The following RBL2 variants were observed in gnomAD, a reference collection of about 807,000 sequenced individuals.
RBL2 encodes the protein RB transcriptional corepressor like 2.
In RBL2, 56 loss-of-function variants were observed where a neutral mutation model predicts 126.0. That is an observed-to-expected ratio of 0.44 (90% CI 0.36 to 0.56). The LOEUF (loss-of-function observed/expected upper bound fraction) is 0.56, where lower values mean the gene tolerates loss of function less well. Among genes scored for constraint, RBL2 ranks in the 20% least tolerant of loss-of-function variants. The probability of loss-of-function intolerance (pLI) is 0.00; values close to 1 mark genes in which losing one functional copy is unlikely to be tolerated. For synonymous variants in RBL2, 454 were observed against 478.5 expected (o/e 0.95, Z 0.67); for missense variants, 1,229 against 1,398.2 (o/e 0.88, Z 1.93).
intron 4 of RBL2, chr16:53,449,271 A>G (rs1181802870): frequency 1.3e-5 from 2 of 152,164 alleles, no homozygotes; most frequent in African/African-American, 4.8e-5. Flanking sequence ...GTGTACTTAG[A>G]AGTAAATATA....
At chr16:53,464,743 C>G (rs8054299) in intron 12 of RBL2, 47,595 of 156,338 alleles carry the variant, frequency 0.3, 7,681 homozygotes, top group Middle Eastern at 0.39. Flanking sequence ...ATAAAAAGTT[C>G]TCTTTCATGT....
At chr16:53,445,594 G>A (rs1010776393) in intron 3 of RBL2, among the ~76,000 whole-genome samples, 1 of 152,144 alleles carries the variant, frequency 6.6e-6, no homozygotes, top group Non-Finnish European at 1.5e-5. Flanking sequence ...ACAACCAAGC[G>A]TGGAGTTCTT....
chr16:53,486,741 CT>C (rs1171298437), intron 21 of RBL2, among the ~76,000 whole-genome samples: 5 of 152,186 alleles, frequency 3.3e-5, no homozygotes, highest in African/African-American at 1.2e-4. Flanking sequence ...CTCACTACCC[CT>C]GTTCAACATT....
At position 53,490,940 on chromosome 16, in the gene RBL2, T is replaced by C. The variant is rs942390479; in HGVS notation, c.*640T>C. ...TGAACCTGTATAAGTGGAGGCACTT[T>C]AGGGCTGTAAAATGCATGATTTTGT... is the stretch of plus-strand genomic sequence containing the variant. On this transcript the variant is annotated 3_prime_UTR_variant, in exon 22 of 22. Transcript: ENST00000262133. 1.3e-5 allele frequency: 2 copies of C among 152,668 alleles called. No individual in the cohort carries two copies. Among genetic ancestry groups the C allele is most frequent in the African/African-American group, 4.8e-5 (2 of 41,466 alleles). The allele number at this position is 152,668 out of a possible 1,614,324, so 9.5% of individuals were successfully genotyped here. A position where few individuals can be genotyped will look rare whatever the true frequency, so the allele number is the denominator to read the frequency against.
In RBL2 at chr16:53,461,725, T is replaced by C; in HGVS notation, c.1347-16T>C. ...CAAGACCTTTAAATTATGTTATTTCTCATTACCTTTTTTAGGACATGTTCC... is the reference window on the plus strand; with the variant it reads ...CAAGACCTTTAAATTATGTTATTTCCCATTACCTTTTTTAGGACATGTTCC... On this transcript the variant is annotated splice_polypyrimidine_tract_variant and intron_variant, in intron 9 of 21. Coordinates refer to ENST00000262133, the MANE Select transcript of RBL2 (RefSeq NM_005611.4). 6.5e-7 allele frequency: 1 copy of C among 1,543,666 alleles called. No individual in the cohort carries two copies. The highest frequency in any genetic ancestry group is 8.8e-7 in the Non-Finnish European group (1 of 1,141,810).
At chr16:53,447,481 T>C (rs1217811991) in intron 4 of RBL2, among the ~76,000 whole-genome samples, 3 of 152,200 alleles carry the variant, frequency 2.0e-5, no homozygotes, top group Non-Finnish European at 2.9e-5. Context: ...ACCTCAGAGC[T>C]GTTCAGATTT....
In RBL2 at chr16:53,467,054, A is replaced by T; in HGVS notation, c.1864-4A>T. ...TGGCATTCTGTGTAACCAATTCTTC[A>T]TAGGTCATGCCACCTCAGAACCTGG... On this transcript the variant is annotated splice_polypyrimidine_tract_variant and splice_region_variant and intron_variant, in intron 13 of 21. Transcript: ENST00000262133. 1 of 1,610,860 alleles carries T rather than the reference A, an allele frequency of 6.2e-7. No homozygotes were observed. Among genetic ancestry groups the T allele is most frequent in the South Asian group, 1.1e-5 (1 of 90,804 alleles).
At chr16:53,443,824 G>A (rs2058037713) in intron 3 of RBL2, among the ~76,000 whole-genome samples, 1 of 78,300 alleles carries the variant, frequency 1.3e-5, no homozygotes, top group African/African-American at 5.0e-5. Context: ...ATAAAATGGG[G>A]GAATGACAAA....
chr16:53,434,529 C>T lies in RBL2; in HGVS notation c.-28C>T. ...CTGCGGGCCCGGGCCCTCACCTCAC[C>T]TGAGGTCCGGCCGCCCAGGGGTGCG... On this transcript the variant is annotated 5_prime_UTR_variant, in exon 1 of 22. Transcript: ENST00000262133. The T allele has an allele frequency of 2.1e-6, 3 of 1,427,742 alleles. No individual in the cohort carries two copies. Among genetic ancestry groups the T allele is most frequent in the African/African-American group, 1.5e-5 (1 of 67,160 alleles). The allele number at this position is 1,427,742 out of a possible 1,614,324, so 88.4% of individuals were successfully genotyped here. A position where few individuals can be genotyped will look rare whatever the true frequency, so the allele number is the denominator to read the frequency against.
intron 8 of RBL2, among the ~76,000 whole-genome samples, chr16:53,457,256 A>G (rs1356314386): frequency 1.3e-5 from 1 of 74,410 alleles, no homozygotes; most frequent in East Asian, 2.5e-4. Flanking sequence ...GGGTACAGAT[A>G]GCTTTTTTTT....
intron 3 of RBL2, among the ~76,000 whole-genome samples, chr16:53,446,586 A>G (rs943378636): frequency 6.6e-6 from 1 of 152,188 alleles, no homozygotes; most frequent in Non-Finnish European, 1.5e-5. Context: ...TAGGAAGCTC[A>G]TAATTTACAT....
At chr16:53,477,252 A>T (rs1428100146) in intron 17 of RBL2, among the ~76,000 whole-genome samples, 1 of 152,210 alleles carries the variant, frequency 6.6e-6, no homozygotes. Flanking sequence ...CAATTTTATG[A>T]CTTCTAAAGT....
At chr16:53,481,592 T>C (rs1960948333) in intron 20 of RBL2, 79 bp from the exon 21 acceptor site, 2 of 1,279,196 alleles carry the variant, frequency 1.6e-6, no homozygotes, top group African/African-American at 1.5e-5. Context: ...TTAGCACACC[T>C]CTTCACTCAA....
chr16:53,454,572 T>G, intron 7 of RBL2, 84 bp from the exon 8 acceptor site: 1 of 1,256,532 alleles, frequency 8.0e-7, no homozygotes, highest in East Asian at 2.5e-5. Flanking sequence ...ATTAGAACTT[T>G]TAGTAAATAA....
At position 53,470,155 on chromosome 16, in the gene RBL2, A is replaced by C; in HGVS notation, c.2215A>C (p.Asn739His). 1 of 1,612,352 alleles carries C rather than the reference A, an allele frequency of 6.2e-7. No homozygotes were observed. The change falls in exon 15 of 22, where the codon AAT (asparagine) becomes CAT (histidine). Residue 739 changes from asparagine (N) to histidine (H), a missense_variant. By Grantham distance (68) the Asn-to-His change is moderately conservative. Coordinates refer to ENST00000262133, the MANE Select transcript of RBL2 (RefSeq NM_005611.4). ...TMATATVTAN[N>H]GQTVTIPVQG... Reference sequence around the variant, plus strand: ...GGCAACCGCCACTGTCACAGCCAACAATGGGCAAACGGTAACCATTCCTGT... The same window carrying C: ...GGCAACCGCCACTGTCACAGCCAACCATGGGCAAACGGTAACCATTCCTGT...
At position 53,454,764 on chromosome 16, in the gene RBL2, G is replaced by C. The variant is rs771145943; in HGVS notation, c.1101G>C (p.Arg367Ser). ...DAEEEIGTLS[R>S]CLNAGSGTET... ...AGGAGGAAATTGGGACTCTCTCAAG[G>C]TGTCTGAACGCTGGTTCAGGAACAG... The change falls in exon 8 of 22, where the codon AGG becomes AGC. Residue 367 changes from arginine to serine, a missense_variant. Physicochemically the swap from Arg to Ser is moderately radical, Grantham distance 110 (BLOSUM62 -1). Around this residue, in one of 2 missense-constraint regions of RBL2, gnomAD observed 1,070 missense variants for 1,274.3 expected, o/e 0.84. Coordinates refer to ENST00000262133, the MANE Select transcript of RBL2 (RefSeq NM_005611.4). The C allele has an allele frequency of 6.2e-7, 1 of 1,614,116 alleles. No homozygotes were observed. The highest frequency in any genetic ancestry group is 8.5e-7 in the Non-Finnish European group (1 of 1,179,998).
intron 2 of RBL2, among the ~76,000 whole-genome samples, chr16:53,440,386 T>TA (rs2058003414): frequency 6.6e-6 from 1 of 152,208 alleles, no homozygotes; most frequent in Non-Finnish European, 1.5e-5. Flanking sequence ...CATCCTGAGT[T>TA]ACATTGACCA....
chr16:53,455,742 G>A (rs1405074769), intron 8 of RBL2, among the ~76,000 whole-genome samples: 8 of 152,182 alleles, frequency 5.3e-5, no homozygotes, highest in Admixed American at 5.2e-4. Context: ...CAAGCCATAT[G>A]AATAGCTGGG....
chr16:53,489,060 A>T (rs368267689), intron 21 of RBL2: 1 of 35,056 alleles, frequency 2.9e-5, no homozygotes, highest in Non-Finnish European at 5.4e-5. Flanking sequence ...ATTGTTAATT[A>T]AAAAAAAAAA....
Sources: gnomAD v4.1 joint callset for allele counts (sites outside exome capture counted in the v4.1 genomes callset) on GRCh38, gnomAD v4.1.1 for gene constraint, gnomAD v4.1.1 regional missense constraint, MANE v1.5 for transcripts, NCBI Gene and HGNC (gene_info 2026-07-23, HGNC 2026-07-21) for gene names.